MALRD1: variants seen among roughly 807,000 people sequenced by gnomAD.
MALRD1 encodes MAM and LDL-receptor class A domain-containing protein 1.
A neutral mutation model predicts 242.1 loss-of-function variants in MALRD1; 247 were observed. That is an observed-to-expected ratio of 1.02 (90% confidence interval 0.92 to 1.13). The LOEUF is 1.13. Among genes scored for constraint, MALRD1 ranks in the 50% most tolerant of loss-of-function variants. The pLI is 0.00. For missense variants in MALRD1, 2,989 were observed against 2,533.1 expected (o/e 1.18, Z -3.86); for synonymous variants, 995 against 866.6 (o/e 1.15, Z -2.60).
intron 10 of MALRD1, among the ~76,000 whole-genome samples, chr10:19,140,526 GGT>G (rs778477235): frequency 2.7e-5 from 3 of 111,546 alleles, no homozygotes; most frequent in South Asian, 2.8e-4. Flanking sequence ...AAACAAGTGG[GGT>G]GTGTGTGTGT....
chr10:19,389,006 A>G (rs1168351935), intron 27 of MALRD1, among the ~76,000 whole-genome samples: 1 of 152,202 alleles, frequency 6.6e-6, no homozygotes, highest in Admixed American at 6.5e-5. Flanking sequence ...ACAAAACTGA[A>G]TACCTTTCTT....
At position 19,450,472 on chromosome 10, in the gene MALRD1, T is replaced by G. The variant is rs1212693217; in HGVS notation, c.5011T>G (p.Phe1671Val). 2 of 1,548,864 alleles carry G rather than the reference T, an allele frequency of 1.3e-6. No individual in the cohort carries two copies. ...AGGAGCTGCAATTGATGATATTGAA[T>G]TTAAAAACTGCACAACTGGTAAGTT... ...GGGAAIDDIE[F>V]KNCTTVGEIS... The change falls in exon 29 of 40, where the codon TTT becomes GTT. Residue 1671 changes from phenylalanine to valine, a missense_variant. Transcript: ENST00000454679.
chr10:19,611,616 A>G (rs1359600797), intron 35 of MALRD1, among the ~76,000 whole-genome samples: 2 of 151,990 alleles, frequency 1.3e-5, no homozygotes, highest in African/African-American at 2.4e-5. Context: ...ATATTATCCC[A>G]TAGATTCCCA....
intron 29 of MALRD1, among the ~76,000 whole-genome samples, chr10:19,467,122 A>G (rs958632984): frequency 2.6e-5 from 4 of 152,062 alleles, no homozygotes; most frequent in African/African-American, 9.7e-5. Flanking sequence ...TGGGAGGCTG[A>G]GGCAGGTGAA....
intron 22 of MALRD1, among the ~76,000 whole-genome samples, chr10:19,325,833 C>G (rs1843102451): frequency 6.6e-6 from 1 of 151,990 alleles, no homozygotes; most frequent in African/African-American, 2.4e-5. Context: ...TTCTTTTTCC[C>G]CAGTAGAGAG....
intron 29 of MALRD1, chr10:19,488,743 C>G (rs1481210435): frequency 4.9e-6 from 1 of 203,166 alleles, no homozygotes; most frequent in Non-Finnish European, 1.0e-5. Context: ...TTTTTAATGT[C>G]TTTATTAGGG....
intron 36 of MALRD1, among the ~76,000 whole-genome samples, chr10:19,686,163 A>G (rs1467703490): frequency 7.3e-6 from 1 of 136,264 alleles, no homozygotes; most frequent in Non-Finnish European, 1.6e-5. Context: ...AAAAAGCTTT[A>G]GAACAGGAAT....
At chr10:19,652,665 C>T (rs991981223) in intron 36 of MALRD1, among the ~76,000 whole-genome samples, 1 of 152,192 alleles carries the variant, frequency 6.6e-6, no homozygotes, top group Admixed American at 6.5e-5. Flanking sequence ...ACACCTGTAA[C>T]CCCAACACCT....
rs138033385 is a variant in MALRD1 at position 19,424,800 on chromosome 10, A to T, written c.4846-25507A>T. The stretch of plus-strand genomic sequence containing the variant: ...TACAGCTTTTATCCAAAAGCAGTAG[A>T]ATCCTGACCTGAATTTGCTTGGGAG... On this transcript the variant is annotated intron_variant, in intron 28 of 39. Transcript: ENST00000454679. 7.9e-5 allele frequency among the ~76,000 whole-genome samples: 12 copies of T among 152,290 alleles called. No individual in the cohort carries two copies. The East Asian group carries it at 2.3e-3, about 29-fold the overall frequency.
intron 21 of MALRD1, among the ~76,000 whole-genome samples, chr10:19,310,356 A>C (rs1451831587): frequency 6.6e-6 from 1 of 151,512 alleles, no homozygotes; most frequent in Non-Finnish European, 1.5e-5. Flanking sequence ...GGACAATTGA[A>C]GGGATAACTA....
In MALRD1 at chr10:19,595,196, C is replaced by T. The variant is rs16919132; in HGVS notation, c.5683C>T (p.Pro1895Ser). The T allele has an allele frequency of 4.2e-3, 6,527 of 1,547,702 alleles. 251 individuals are homozygous for T. The African/African-American group carries it at 0.078, about 19-fold the overall frequency. Residue 1895 changes from proline (P) to serine (S), a missense_variant and splice_region_variant, in exon 34 of 40, where the codon CCT becomes TCT. Coordinates refer to ENST00000454679, the MANE Select transcript of MALRD1 (RefSeq NM_001142308.3). ...SFTPECVTGG[P>S]VPVQPSPCEA... ...ACTTGACTTGCTCTCTTTTTTAGGT[C>T]CTGTCCCAGTGCAGCCATCACCCTG...
chr10:19,213,421 A>G (rs1837161729), intron 18 of MALRD1, among the ~76,000 whole-genome samples: 1 of 152,124 alleles, frequency 6.6e-6, no homozygotes, highest in Non-Finnish European at 1.5e-5. Flanking sequence ...TTTAGTAGAG[A>G]TGGGGTTTCA....
intron 16 of MALRD1, 63 bp from the exon 17 acceptor site, chr10:19,204,835 A>G (rs1017887221): frequency 7.0e-7 from 1 of 1,430,552 alleles, no homozygotes; most frequent in East Asian, 2.5e-5. Flanking sequence ...AGAAAAATCT[A>G]AAGGTTAAAT....
chr10:19,298,505 G>A (rs1032384933), intron 21 of MALRD1, among the ~76,000 whole-genome samples: 3 of 151,856 alleles, frequency 2.0e-5, no homozygotes, highest in Non-Finnish European at 4.4e-5. Context: ...AGGGAAGCAA[G>A]GGGAAAAGGG....
chr10:19,209,472 T>C lies in MALRD1; in HGVS notation c.2783T>C (p.Leu928Ser), dbSNP rs940341677. 2 of 1,550,752 alleles carry C rather than the reference T, an allele frequency of 1.3e-6. No individual in the cohort carries two copies. The highest frequency in any genetic ancestry group is 2.0e-5 in the Admixed American group (1 of 50,992). ...EPQAFQDSAA[L>S]LSPILNATDT... ...CAGGCTTTTCAAGACAGTGCTGCCT[T>C]ACTCAGCCCAATCCTTAATGCCACT... The change falls in exon 18 of 40, where the codon TTA (leucine) becomes TCA (serine). Residue 928 changes from leucine (L) to serine (S), a missense_variant. Coordinates refer to ENST00000454679, the MANE Select transcript of MALRD1 (RefSeq NM_001142308.3).
chr10:19,606,667 G>T (rs1838646313), intron 34 of MALRD1, among the ~76,000 whole-genome samples: 1 of 152,048 alleles, frequency 6.6e-6, no homozygotes, highest in Non-Finnish European at 1.5e-5. Context: ...TAAACACTCT[G>T]AGAAACAAGA....
intron 31 of MALRD1, among the ~76,000 whole-genome samples, chr10:19,511,838 A>G (rs1473649379): frequency 6.6e-6 from 1 of 152,190 alleles, no homozygotes; most frequent in Non-Finnish European, 1.5e-5. Context: ...AACAGAAAAG[A>G]AACACAGAGA....
At chr10:19,629,034 G>T (rs1044956054) in intron 36 of MALRD1, among the ~76,000 whole-genome samples, 2 of 152,146 alleles carry the variant, frequency 1.3e-5, no homozygotes, top group African/African-American at 4.8e-5. Context: ...TGCCTAATTT[G>T]CAGAGCTGGA....
chr10:19,096,981 T>G (rs1836062266), intron 4 of MALRD1, among the ~76,000 whole-genome samples: 1 of 152,220 alleles, frequency 6.6e-6, no homozygotes, highest in Non-Finnish European at 1.5e-5. Flanking sequence ...TGCTGCTGCA[T>G]ACACAAGGAT....
Sources: allele counts gnomAD v4.1 joint callset (sites outside exome capture counted in the v4.1 genomes callset), GRCh38; gene constraint gnomAD v4.1.1; transcripts MANE v1.5; gene names NCBI Gene and HGNC (gene_info 2026-07-23, HGNC 2026-07-21).